The following SUSD4 variants were observed in gnomAD, a reference collection of about 807,000 sequenced individuals.
SUSD4 encodes the protein sushi domain containing 4, also known as sushi domain-containing protein 4.
Under a neutral mutation model 50.5 loss-of-function variants are expected in SUSD4, and 41 were observed. That is an observed-to-expected ratio of 0.81 (90% CI 0.63 to 1.05). The LOEUF (loss-of-function observed/expected upper bound fraction) is 1.05. Ranked by LOEUF, SUSD4 falls within the 50% of genes least tolerant of loss-of-function variation. SUSD4 has a pLI of 0.00. For missense variants in SUSD4, 580 were observed against 634.7 expected (o/e 0.91, Z 0.93); for synonymous variants, 257 against 257.3 (o/e 1.00, Z 0.01).
At chr1:223,245,351 G>A (rs542233547) in intron 5 of SUSD4, among the ~76,000 whole-genome samples, 48 of 151,656 alleles carry the variant, frequency 3.2e-4, no homozygotes, top group Admixed American at 6.6e-4. Context: ...GCCCTAATCC[G>A]ATCATAAATG....
At chr1:223,292,928 T>A (rs17518077) in intron 2 of SUSD4, among the ~76,000 whole-genome samples, 3 of 151,954 alleles carry the variant, frequency 2.0e-5, no homozygotes, top group Non-Finnish European at 4.4e-5. Context: ...GGATTTCACA[T>A]GACAAGTGCC....
chr1:223,364,775 C>G (rs561074918), upstream of SUSD4, among the ~76,000 whole-genome samples: 26 of 152,152 alleles, frequency 1.7e-4, no homozygotes, highest in East Asian at 4.7e-3. The surrounding 1 kb of genome is among the most constrained non-coding windows in gnomAD (Gnocchi z 4.5). Context: ...CCCCAGAACT[C>G]TCGCCACAGA....
chr1:223,341,597 C>T (rs1433113383), intron 2 of SUSD4, among the ~76,000 whole-genome samples: 1 of 152,184 alleles, frequency 6.6e-6, no homozygotes, highest in African/African-American at 2.4e-5. Context: ...ACTGACGGGG[C>T]ACCCAAGTGT....
rs990984255 is a variant in SUSD4 at position 223,281,047 on chromosome 1, AAG to A, written c.361+11390_361+11391del. Reference sequence around the variant, plus strand: ...ATGTTCTTTGAAACCAATGAGAACAAAGACACAACATACCAGAATCTCCGGGA... The same window carrying A: ...ATGTTCTTTGAAACCAATGAGAACAAACACAACATACCAGAATCTCCGGGA... On this transcript the variant is annotated intron_variant, in intron 3 of 8. Transcript: ENST00000366878. Among the ~76,000 whole-genome samples, 170 of 152,358 alleles carry A rather than the reference AAG, an allele frequency of 1.1e-3. 2 individuals are homozygous for A. The highest frequency in any genetic ancestry group is 4.6e-4 in the Admixed American group (7 of 15,304).
At chr1:223,341,461 C>A (rs1667752654) in intron 2 of SUSD4, among the ~76,000 whole-genome samples, 1 of 152,128 alleles carries the variant, frequency 6.6e-6, no homozygotes, top group South Asian at 2.1e-4. Flanking sequence ...CCACCCACCC[C>A]CTCTCTGTCC....
chr1:223,237,077 T>C (rs1660270770), intron 5 of SUSD4, among the ~76,000 whole-genome samples: 1 of 152,054 alleles, frequency 6.6e-6, no homozygotes, highest in South Asian at 2.1e-4. Flanking sequence ...TTTGTTAGAT[T>C]TGTGTCTAAG....
intron 5 of SUSD4, among the ~76,000 whole-genome samples, chr1:223,246,254 G>C (rs892761091): frequency 6.6e-6 from 1 of 152,142 alleles, no homozygotes; most frequent in Non-Finnish European, 1.5e-5. Flanking sequence ...CTCCTCACAA[G>C]CTGAGAAGGA....
chr1:223,329,416 ACTCT>A (rs1267358370), intron 2 of SUSD4, among the ~76,000 whole-genome samples: 2 of 152,038 alleles, frequency 1.3e-5, no homozygotes, highest in African/African-American at 2.4e-5. Flanking sequence ...CCATATGTGC[ACTCT>A]CTAAGTGCAA....
intron 2 of SUSD4, among the ~76,000 whole-genome samples, chr1:223,312,309 G>A (rs1665924945): frequency 1.3e-5 from 2 of 152,138 alleles, no homozygotes; most frequent in Non-Finnish European, 2.9e-5. Flanking sequence ...TGGGCAAATA[G>A]GACAGGCTGG....
At chr1:223,241,552 T>A (rs1253120840) in intron 5 of SUSD4, among the ~76,000 whole-genome samples, 1 of 152,240 alleles carries the variant, frequency 6.6e-6, no homozygotes, top group Non-Finnish European at 1.5e-5. Context: ...CTTACTTCTC[T>A]TATGGATCCC....
chr1:223,268,032 TATATATATATACAC>T (rs1376405421), intron 4 of SUSD4, among the ~76,000 whole-genome samples: 7 of 90,758 alleles, frequency 7.7e-5, no homozygotes, highest in African/African-American at 2.1e-4. Context: ...TATATATATA[TATATATATATACAC>T]ACACACTGTT....
rs1659111030 is a variant in SUSD4, at chr1:223,221,002, G to A, written c.*1190C>T. On this transcript the variant is annotated 3_prime_UTR_variant, in exon 9 of 9. Transcript: ENST00000366878. Reference sequence around the variant, plus strand: ...CTCCACAGATCAACATGTATTTGAAGAGACACTTCAGGACACTTTGGGAAA... The same window carrying A: ...CTCCACAGATCAACATGTATTTGAAAAGACACTTCAGGACACTTTGGGAAA... The A allele has an allele frequency of 2.5e-6, 1 of 400,710 alleles. No homozygotes were observed. The highest frequency in any genetic ancestry group is 4.4e-6 in the Non-Finnish European group (1 of 226,262). The allele number at this position is 400,710 out of a possible 1,614,324, so 24.8% of individuals were successfully genotyped here.
intron 3 of SUSD4, among the ~76,000 whole-genome samples, chr1:223,269,727 C>T (rs1232048173): frequency 6.6e-6 from 1 of 152,224 alleles, no homozygotes; most frequent in Non-Finnish European, 1.5e-5. Flanking sequence ...AAACCAAGAA[C>T]AGCATTTTGT....
At chr1:223,348,698 C>T (rs1304484119) in intron 2 of SUSD4, among the ~76,000 whole-genome samples, 1 of 152,160 alleles carries the variant, frequency 6.6e-6, no homozygotes, top group African/African-American at 2.4e-5. Context: ...CCTAAAGGTG[C>T]GTAAGCCCAA....
intron 5 of SUSD4, among the ~76,000 whole-genome samples, chr1:223,239,758 T>C (rs900853028): frequency 1.3e-5 from 2 of 151,814 alleles, no homozygotes; most frequent in South Asian, 4.1e-4. Context: ...GTATATGTGA[T>C]CAAGTACATT....
intron 5 of SUSD4, among the ~76,000 whole-genome samples, chr1:223,257,904 A>G (rs1313125516): frequency 2.0e-5 from 3 of 152,204 alleles, no homozygotes; most frequent in Non-Finnish European, 2.9e-5. Context: ...CATCATGAAC[A>G]GTAATTTACG....
At chr1:223,335,429 C>T (rs577746271) in intron 2 of SUSD4, among the ~76,000 whole-genome samples, 33 of 146,708 alleles carry the variant, frequency 2.2e-4, no homozygotes, top group African/African-American at 7.9e-4. Context: ...AAAGGCATTT[C>T]GAACAGCCAA....
At chr1:223,296,318 A>G (rs888536305) in intron 2 of SUSD4, among the ~76,000 whole-genome samples, 3 of 152,186 alleles carry the variant, frequency 2.0e-5, no homozygotes, top group African/African-American at 4.8e-5. Context: ...TCTGGCATCA[A>G]TGTCAGGGTA....
chr1:223,222,535 G>A (rs1481660830), intron 8 of SUSD4, among the ~76,000 whole-genome samples: 1 of 152,182 alleles, frequency 6.6e-6, no homozygotes, highest in African/African-American at 2.4e-5. Flanking sequence ...AGGCAGCGTG[G>A]TTTGCAGAAA....
Sources: gnomAD v4.1 joint callset for allele counts (sites outside exome capture counted in the v4.1 genomes callset) on GRCh38, gnomAD v4.1.1 for gene constraint, Gnocchi (gnomAD v3.1) non-coding constraint, MANE v1.5 for transcripts, NCBI Gene and HGNC (gene_info 2026-07-23, HGNC 2026-07-21) for gene names.